SUCLG2: variants seen among roughly 807,000 people sequenced by gnomAD.
The protein encoded by SUCLG2 is succinate-CoA ligase GDP-forming subunit beta.
A neutral mutation model predicts 47.9 loss-of-function variants in SUCLG2; 42 were observed. The observed-to-expected ratio is 0.88, with a 90% CI of 0.69 to 1.14. The LOEUF (loss-of-function observed/expected upper bound fraction) is 1.14. Ranked by LOEUF, SUCLG2 falls within the 50% of genes most tolerant of loss-of-function variation. The pLI, the probability that SUCLG2 is intolerant of heterozygous loss-of-function variation, is 0.00. For synonymous variants in SUCLG2, 195 were observed against 197.3 expected (o/e 0.99, Z 0.10); for missense variants, 571 against 525.9 (o/e 1.09, Z -0.84).
chr3:67,612,365 C>CA (rs1553669750), intron 1 of SUCLG2, among the ~76,000 whole-genome samples: 27 of 148,162 alleles, frequency 1.8e-4, no homozygotes, highest in African/African-American at 5.5e-4. Context: ...TCTCAAAAAA[C>CA]AAAAAAAAAT....
At chr3:67,383,105 A>G (rs1303236502) in intron 10 of SUCLG2, among the ~76,000 whole-genome samples, 3 of 152,214 alleles carry the variant, frequency 2.0e-5, no homozygotes, top group Non-Finnish European at 2.9e-5. Flanking sequence ...CTTTGAGATG[A>G]TATGTGCCTA....
intron 2 of SUCLG2, among the ~76,000 whole-genome samples, chr3:67,552,706 G>T (rs1283937921): frequency 6.6e-6 from 1 of 152,188 alleles, no homozygotes; most frequent in African/African-American, 2.4e-5. Flanking sequence ...GCAAAACAGA[G>T]TATAACAATA....
chr3:67,386,319 G>C (rs745776506), intron 10 of SUCLG2, among the ~76,000 whole-genome samples: 1 of 150,412 alleles, frequency 6.6e-6, no homozygotes, highest in Admixed American at 6.6e-5. Context: ...GGATGGTCTC[G>C]ATCTCCGACC....
chr3:67,566,769 T>A (rs1423182878), intron 2 of SUCLG2, among the ~76,000 whole-genome samples: 1 of 152,226 alleles, frequency 6.6e-6, no homozygotes, highest in South Asian at 2.1e-4. Flanking sequence ...ATTACACTTT[T>A]AAGAAATTTA....
chr3:67,558,840 T>G (rs1215445387), intron 2 of SUCLG2, among the ~76,000 whole-genome samples: 1 of 152,150 alleles, frequency 6.6e-6, no homozygotes, highest in African/African-American at 2.4e-5. Flanking sequence ...AGATCAATGA[T>G]CCTTTTACCC....
At chr3:67,396,757 G>T (rs546835524) in intron 10 of SUCLG2, among the ~76,000 whole-genome samples, 24 of 152,260 alleles carry the variant, frequency 1.6e-4, no homozygotes, top group Middle Eastern at 3.4e-3. Context: ...GATGAACATC[G>T]ATGCAAAAAT....
At chr3:67,432,681 C>G (rs1167681326) in intron 9 of SUCLG2, among the ~76,000 whole-genome samples, 1 of 152,180 alleles carries the variant, frequency 6.6e-6, no homozygotes, top group Non-Finnish European at 1.5e-5. Flanking sequence ...CCCCGATCTG[C>G]TAGGTTCTAA....
intron 2 of SUCLG2, among the ~76,000 whole-genome samples, chr3:67,552,541 T>A (rs1707045195): frequency 6.6e-6 from 1 of 152,218 alleles, no homozygotes; most frequent in Admixed American, 6.5e-5. Context: ...ACTGCAGACA[T>A]GGATGTCTAT....
chr3:67,618,006 G>C lies in SUCLG2; in HGVS notation c.85-8410C>G, dbSNP rs184070276. ...TCATTGTTTTAAATACATTTGTAGA[G>C]ATATTTTTAAACTCTAATCATGGAA... On this transcript the variant is annotated intron_variant, in intron 1 of 10. Transcript: ENST00000307227. Among the ~76,000 whole-genome samples, 150 of 152,268 alleles carry C rather than the reference G, an allele frequency of 9.9e-4. 3 individuals carry two copies. The East Asian group carries it at 0.025, about 25-fold the overall frequency.
chr3:67,535,229 G>A (rs1237312921), intron 2 of SUCLG2, among the ~76,000 whole-genome samples: 2 of 152,092 alleles, frequency 1.3e-5, no homozygotes, highest in African/African-American at 2.4e-5. Flanking sequence ...CAATTAAGGA[G>A]GCAGAACTAC....
chr3:67,398,244 TG>T (rs1246937539), intron 10 of SUCLG2, among the ~76,000 whole-genome samples: 5 of 150,342 alleles, frequency 3.3e-5, no homozygotes, highest in Non-Finnish European at 5.9e-5. Flanking sequence ...ATCTACAAAA[TG>T]GGAGAAAATT....
intron 2 of SUCLG2, among the ~76,000 whole-genome samples, chr3:67,568,636 C>T (rs2107231725): frequency 6.6e-6 from 1 of 152,262 alleles, no homozygotes; most frequent in Non-Finnish European, 1.5e-5. Context: ...GCCTGTAATC[C>T]CAGCACTTTG....
At chr3:67,636,502 G>A (rs1440908796) in intron 1 of SUCLG2, among the ~76,000 whole-genome samples, 2 of 152,112 alleles carry the variant, frequency 1.3e-5, no homozygotes, top group Non-Finnish European at 1.5e-5. Flanking sequence ...ACAGGCGCCC[G>A]CCACTGCACC....
intron 9 of SUCLG2, among the ~76,000 whole-genome samples, chr3:67,403,942 G>C (rs1180222164): frequency 1.3e-5 from 2 of 152,170 alleles, no homozygotes; most frequent in South Asian, 2.1e-4. Context: ...CTGGAGTGCA[G>C]TGGCACAATC....
intron 10 of SUCLG2, among the ~76,000 whole-genome samples, chr3:67,391,492 G>A (rs1043970232): frequency 6.6e-6 from 1 of 152,158 alleles, no homozygotes; most frequent in African/African-American, 2.4e-5. Flanking sequence ...GTTTTCAGCT[G>A]TGTCCCATAT....
intron 2 of SUCLG2, among the ~76,000 whole-genome samples, chr3:67,563,686 G>A (rs772100323): frequency 2.0e-5 from 3 of 152,222 alleles, no homozygotes; most frequent in Non-Finnish European, 1.5e-5. Context: ...TTGGCCGGGC[G>A]CGGTGGCTCA....
intron 6 of SUCLG2, among the ~76,000 whole-genome samples, chr3:67,513,435 CAT>C (rs1267465385): frequency 6.6e-6 from 1 of 152,208 alleles, no homozygotes; most frequent in African/African-American, 2.4e-5. Context: ...AAGACTAAAA[CAT>C]AATCTGATCT....
At chr3:67,408,361 T>A (rs1241215504) in intron 9 of SUCLG2, among the ~76,000 whole-genome samples, 1 of 152,124 alleles carries the variant, frequency 6.6e-6, no homozygotes, top group African/African-American at 2.4e-5. Flanking sequence ...TTTTAGTGAG[T>A]CCACGATCCT....
intron 1 of SUCLG2, among the ~76,000 whole-genome samples, chr3:67,613,094 C>T (rs1219454899): frequency 6.6e-6 from 1 of 152,172 alleles, no homozygotes; most frequent in East Asian, 1.9e-4. Flanking sequence ...CAAACCTTGT[C>T]CTCTTAAGAT....
Sources: gnomAD v4.1 joint callset for allele counts (sites outside exome capture counted in the v4.1 genomes callset) on GRCh38, gnomAD v4.1.1 for gene constraint, MANE v1.5 for transcripts, NCBI Gene and HGNC (gene_info 2026-07-23, HGNC 2026-07-21) for gene names.